GPC5: variants seen among roughly 807,000 people sequenced by gnomAD.
GPC5 encodes the protein glypican 5.
Under a neutral mutation model 53.9 loss-of-function variants are expected in GPC5, and 47 were observed. The ratio of observed to expected loss-of-function variants is 0.87; its 90% CI spans 0.69 to 1.11. The LOEUF (loss-of-function observed/expected upper bound fraction) is 1.11. Among genes scored for constraint, GPC5 ranks in the 50% most tolerant of loss-of-function variants. GPC5 has a pLI of 0.00. For synonymous variants in GPC5, 286 were observed against 263.3 expected (o/e 1.09, Z -0.84); for missense variants, 748 against 713.1 (o/e 1.05, Z -0.56).
intron 7 of GPC5, among the ~76,000 whole-genome samples, chr13:92,453,555 A>G (rs1395106576): frequency 6.6e-6 from 1 of 152,246 alleles, no homozygotes; most frequent in African/African-American, 2.4e-5. Context: ...AAGTTTCTAT[A>G]ATTTCTCATG....
intron 2 of GPC5, among the ~76,000 whole-genome samples, chr13:91,679,892 A>G (rs1474830316): frequency 6.6e-6 from 1 of 151,740 alleles, no homozygotes; most frequent in African/African-American, 2.4e-5. Flanking sequence ...TTTGCAATTG[A>G]GTTGCAAGCT....
chr13:91,417,057 G>A (rs979621925), intron 1 of GPC5, among the ~76,000 whole-genome samples: 4 of 152,156 alleles, frequency 2.6e-5, no homozygotes, highest in Non-Finnish European at 5.9e-5. Context: ...ACAGAGTGGG[G>A]TGGATGGAGC....
At chr13:92,860,410 G>A (rs1227027500) in intron 7 of GPC5, among the ~76,000 whole-genome samples, 1 of 151,952 alleles carries the variant, frequency 6.6e-6, no homozygotes, top group Non-Finnish European at 1.5e-5. Flanking sequence ...CCTAGGTTTT[G>A]GAAAACAACT....
chr13:91,684,376 C>A (rs2035575531), intron 2 of GPC5, among the ~76,000 whole-genome samples: 1 of 152,104 alleles, frequency 6.6e-6, no homozygotes, highest in African/African-American at 2.4e-5. Context: ...ATGTTCAAAA[C>A]AAAACCTTTA....
intron 7 of GPC5, among the ~76,000 whole-genome samples, chr13:92,152,745 A>T: frequency 6.6e-6 from 1 of 151,990 alleles, no homozygotes; most frequent in African/African-American, 2.4e-5. Flanking sequence ...TCTCAAAAAA[A>T]AAAAAAAAAA....
At chr13:92,865,464 A>G (rs1401583736) in intron 7 of GPC5, among the ~76,000 whole-genome samples, 3 of 152,134 alleles carry the variant, frequency 2.0e-5, no homozygotes, top group Non-Finnish European at 4.4e-5. Context: ...CTGAAGTCAT[A>G]AAAGGGGAAA....
rs16946665 is a variant in GPC5, at chr13:91,738,994, T to G, written c.1154+10329T>G. Reference sequence around the variant, plus strand: ...CTTTTTGCTTTAGCCTTAGTATAGCTTTTGTTGATTATTACAGGTGATGAA... The same window carrying G: ...CTTTTTGCTTTAGCCTTAGTATAGCGTTTGTTGATTATTACAGGTGATGAA... On this transcript the variant is annotated intron_variant, in intron 4 of 7. Transcript: ENST00000377067. 6.0e-3 allele frequency among the ~76,000 whole-genome samples: 907 copies of G among 151,664 alleles called. 54 individuals carry two copies. The highest frequency in any genetic ancestry group is 0.021 in the African/African-American group (863 of 40,922).
intron 6 of GPC5, among the ~76,000 whole-genome samples, chr13:92,042,338 G>A (rs544240616): frequency 7.2e-5 from 11 of 152,202 alleles, no homozygotes; most frequent in South Asian, 4.2e-4. Flanking sequence ...GCTTGGAACC[G>A]TGATAGCACC....
intron 7 of GPC5, among the ~76,000 whole-genome samples, chr13:92,261,121 A>G (rs573204138): frequency 8.9e-4 from 135 of 152,336 alleles, no homozygotes; most frequent in African/African-American, 3.1e-3. Context: ...GAAAGTCATT[A>G]AATTACATAT....
rs182991243 is a variant in GPC5 at position 92,369,502 on chromosome 13, G to A, written c.1561+224513G>A. Among the ~76,000 whole-genome samples the A allele has an allele frequency of 5.3e-5, 8 of 152,240 alleles. No homozygotes were observed. The East Asian group carries it at 9.7e-4, about 18-fold the overall frequency. Reference sequence around the variant, plus strand: ...TAGAGCTGTTTTTAATGTTTTAGTTGTTGTTTTCTCTTTGGTATTAAATAT... The same window carrying A: ...TAGAGCTGTTTTTAATGTTTTAGTTATTGTTTTCTCTTTGGTATTAAATAT... On this transcript the variant is annotated intron_variant, in intron 7 of 7. Coordinates refer to ENST00000377067, the MANE Select transcript of GPC5 (RefSeq NM_004466.6).
intron 2 of GPC5, among the ~76,000 whole-genome samples, chr13:91,676,283 C>T (rs189115069): frequency 7.6e-4 from 116 of 152,268 alleles, no homozygotes; most frequent in African/African-American, 2.7e-3. Flanking sequence ...ATTGGCCAGG[C>T]TGGTCTTGAA....
intron 5 of GPC5, among the ~76,000 whole-genome samples, chr13:91,865,083 G>T (rs553724956): frequency 4.6e-5 from 7 of 151,634 alleles, no homozygotes; most frequent in Non-Finnish European, 1.0e-4. Flanking sequence ...GGCTAATTTT[G>T]TATTTTTAGT....
chr13:92,295,340 T>C (rs1194131376), intron 7 of GPC5, among the ~76,000 whole-genome samples: 1 of 152,236 alleles, frequency 6.6e-6, no homozygotes, highest in Non-Finnish European at 1.5e-5. Flanking sequence ...AGGTTTCTTT[T>C]GGAGTTGATT....
At chr13:92,257,545 G>GGTTTTTTTTTTT (rs1566507028) in intron 7 of GPC5, among the ~76,000 whole-genome samples, 1 of 50,054 alleles carries the variant, frequency 2.0e-5, no homozygotes, top group Admixed American at 2.1e-4. Context: ...CTAATACAGG[G>GGTTTTTTTTTTT]ATTTTTTTTT....
intron 6 of GPC5, among the ~76,000 whole-genome samples, chr13:91,938,793 CTATA>C (rs1225681386): frequency 6.6e-6 from 1 of 152,036 alleles, no homozygotes; most frequent in Non-Finnish European, 1.5e-5. Flanking sequence ...GTTAAAGTGT[CTATA>C]TAAATATTAA....
At chr13:91,807,669 C>G (rs1187261520) in intron 5 of GPC5, among the ~76,000 whole-genome samples, 1 of 152,128 alleles carries the variant, frequency 6.6e-6, no homozygotes, top group Non-Finnish European at 1.5e-5. Context: ...GAATGACAAT[C>G]TGTTGTGCAT....
intron 3 of GPC5, among the ~76,000 whole-genome samples, chr13:91,714,882 AAGC>A (rs1367513341): frequency 6.6e-6 from 1 of 152,196 alleles, no homozygotes; most frequent in Non-Finnish European, 1.5e-5. Flanking sequence ...AGCTTTGTTG[AAGC>A]AGCAGTGTTC....
At chr13:91,485,628 C>CT (rs569720322) in intron 2 of GPC5, among the ~76,000 whole-genome samples, 5 of 151,966 alleles carry the variant, frequency 3.3e-5, no homozygotes, top group South Asian at 2.1e-4. Context: ...CAACTGTGCT[C>CT]TTTTTTTTCT....
chr13:91,693,135 T>C, intron 2 of GPC5, 52 bp from the exon 3 acceptor site: 1 of 1,271,960 alleles, frequency 7.9e-7, no homozygotes. Context: ...AGATGGACGG[T>C]GTTAGCATGA....
Sources: gnomAD v4.1 joint callset for allele counts (sites outside exome capture counted in the v4.1 genomes callset) on GRCh38, gnomAD v4.1.1 for gene constraint, MANE v1.5 for transcripts, NCBI Gene and HGNC (gene_info 2026-07-23, HGNC 2026-07-21) for gene names.